Variants in TRPS1 observed in about 807,000 individuals in gnomAD.
The protein encoded by TRPS1 is transcriptional repressor GATA binding 1.
A neutral mutation model predicts 101.2 loss-of-function variants in TRPS1; 6 were observed. The observed-to-expected ratio is 0.06, with a 90% CI of 0.03 to 0.12. The LOEUF (loss-of-function observed/expected upper bound fraction) is 0.12. Among genes scored for constraint, TRPS1 ranks in the 10% least tolerant of loss-of-function variants. The probability of loss-of-function intolerance (pLI) is 1.00; values close to 1 mark genes in which losing one functional copy is unlikely to be tolerated. For synonymous variants in TRPS1, 578 were observed against 589.8 expected, an observed-to-expected ratio of 0.98 and a Z score of 0.29; for missense variants, 1,363 against 1,567.0, an observed-to-expected ratio of 0.87 and a Z score of 2.20.
At chr8:115,484,989 A>G (rs1454101012) in intron 5 of TRPS1, among the ~76,000 whole-genome samples, 2 of 152,162 alleles carry the variant, frequency 1.3e-5, no homozygotes, top group Non-Finnish European at 2.9e-5. Flanking sequence ...CTGTACATAC[A>G]CTTTCTCTCA....
At chr8:115,537,752 A>T (rs1224342341) in intron 5 of TRPS1, among the ~76,000 whole-genome samples, 1 of 152,220 alleles carries the variant, frequency 6.6e-6, no homozygotes, top group Non-Finnish European at 1.5e-5. Flanking sequence ...AAAAACAAAA[A>T]ATCCAGGCTT....
intron 5 of TRPS1, among the ~76,000 whole-genome samples, chr8:115,510,081 T>G (rs1467101014): frequency 6.6e-6 from 1 of 152,006 alleles, no homozygotes; most frequent in Non-Finnish European, 1.5e-5. Context: ...CCAATTCTAT[T>G]TCCTAAATGG....
At chr8:115,597,348 T>C (rs1360876514) in intron 4 of TRPS1, among the ~76,000 whole-genome samples, 2 of 152,010 alleles carry the variant, frequency 1.3e-5, no homozygotes, top group African/African-American at 4.8e-5. Flanking sequence ...TTCTTTTTGT[T>C]TGGTTATGAT....
intron 5 of TRPS1, among the ~76,000 whole-genome samples, chr8:115,526,316 G>A (rs1052959406): frequency 1.3e-5 from 2 of 152,018 alleles, no homozygotes; most frequent in Non-Finnish European, 2.9e-5. Flanking sequence ...TCAAAAAAAA[G>A]AAAGGAGATA....
chr8:115,653,328 A>G (rs1380849035), intron 1 of TRPS1, among the ~76,000 whole-genome samples: 1 of 152,138 alleles, frequency 6.6e-6, no homozygotes, highest in Admixed American at 6.5e-5. Flanking sequence ...TTTGCTATAT[A>G]GAGATAGTAG....
intron 5 of TRPS1, among the ~76,000 whole-genome samples, chr8:115,580,689 T>A (rs574482009): frequency 3.9e-5 from 6 of 152,306 alleles, no homozygotes; most frequent in African/African-American, 1.4e-4. Context: ...ATACATCTGC[T>A]TCACCTGCTT....
intron 5 of TRPS1, among the ~76,000 whole-genome samples, chr8:115,567,807 A>G (rs1380544588): frequency 6.6e-6 from 1 of 152,056 alleles, no homozygotes; most frequent in African/African-American, 2.4e-5. Context: ...ATGTTAATAT[A>G]ATTCCCTGTG....
chr8:115,531,854 G>A (rs932426788), intron 5 of TRPS1, among the ~76,000 whole-genome samples: 37 of 152,212 alleles, frequency 2.4e-4, no homozygotes, highest in South Asian at 2.3e-3. Context: ...GCATGAAGAC[G>A]TCTGATGGAG....
intron 1 of TRPS1, among the ~76,000 whole-genome samples, chr8:115,659,505 T>A (rs915033083): frequency 1.3e-5 from 2 of 151,834 alleles, no homozygotes; most frequent in Admixed American, 1.3e-4. Context: ...GAATTATGAA[T>A]CATACAACAA....
chr8:115,452,900 T>G (rs1378961916), intron 5 of TRPS1, among the ~76,000 whole-genome samples: 4 of 152,182 alleles, frequency 2.6e-5, no homozygotes, highest in Non-Finnish European at 5.9e-5. Context: ...GCTCTAGATA[T>G]ATCAATGTGG....
At chr8:115,656,191 A>G (rs1296209791) in intron 1 of TRPS1, among the ~76,000 whole-genome samples, 2 of 152,158 alleles carry the variant, frequency 1.3e-5, no homozygotes, top group Non-Finnish European at 2.9e-5. Context: ...AGTATTCAAG[A>G]TATATGTGCA....
chr8:115,414,433 T>C lies in TRPS1; in HGVS notation c.3475A>G (p.Thr1159Ala). The stretch of plus-strand genomic sequence containing the variant: ...GAAAAATGAGGAGGCAGATTGAAGG[T>C]GGGATAAGGCACATAGTTTTGGCAA... ...NPCQNYVPYP[T>A]FNLPPHFSAV... is the part of the protein sequence containing the mutation. The change falls in exon 7 of 7, where the codon ACC (threonine) becomes GCC (alanine). Residue 1159 changes from threonine (T) to alanine (A), a missense_variant. Physicochemically the swap from Thr to Ala is moderately conservative, Grantham distance 58. Transcript: ENST00000395715. This position sits in a 1 kb window ranked among gnomAD's most constrained non-coding sequence, Gnocchi z 4.8. 6.2e-7 allele frequency: 1 copy of C among 1,613,918 alleles called. No individual in the cohort carries two copies. The highest frequency in any genetic ancestry group is 8.5e-7 in the Non-Finnish European group (1 of 1,179,948).
chr8:115,480,638 G>T (rs990959716), intron 5 of TRPS1, among the ~76,000 whole-genome samples: 7 of 152,032 alleles, frequency 4.6e-5, no homozygotes, highest in Admixed American at 4.6e-4. Flanking sequence ...AAAAATGCAT[G>T]CATGCAAAGA....
At chr8:115,603,404 T>C (rs569987865) in intron 4 of TRPS1, among the ~76,000 whole-genome samples, 2 of 152,278 alleles carry the variant, frequency 1.3e-5, no homozygotes, top group South Asian at 2.1e-4. Context: ...GCCAGAAGAA[T>C]ATATAATCTC....
chr8:115,623,807 A>G, intron 1 of TRPS1, 49 bp from the exon 2 acceptor site: 3 of 1,402,820 alleles, frequency 2.1e-6, no homozygotes, highest in Non-Finnish European at 1.9e-6. Context: ...TGATGTAAAC[A>G]TATTTTCATG....
At chr8:115,596,082 G>A (rs1304544264) in intron 4 of TRPS1, among the ~76,000 whole-genome samples, 1 of 151,866 alleles carries the variant, frequency 6.6e-6, no homozygotes, top group Non-Finnish European at 1.5e-5. Context: ...ACTACCTACT[G>A]CAACCAATGT....
intron 5 of TRPS1, among the ~76,000 whole-genome samples, chr8:115,528,631 G>A (rs1394367456): frequency 6.6e-6 from 1 of 151,810 alleles, no homozygotes; most frequent in Non-Finnish European, 1.5e-5. Flanking sequence ...GAAATCCTAG[G>A]GTAATAAATG....
chr8:115,499,528 T>C (rs534615878), intron 5 of TRPS1, among the ~76,000 whole-genome samples: 2 of 152,146 alleles, frequency 1.3e-5, no homozygotes, highest in African/African-American at 4.8e-5. Flanking sequence ...CTAATAAAGA[T>C]TTTCAAATTG....
At chr8:115,527,266 G>A (rs1275361749) in intron 5 of TRPS1, among the ~76,000 whole-genome samples, 1 of 151,662 alleles carries the variant, frequency 6.6e-6, no homozygotes, top group Admixed American at 6.6e-5. Context: ...AATCTCCCAA[G>A]AAAATATGTG....
Sources: gnomAD v4.1 joint callset for allele counts (sites outside exome capture counted in the v4.1 genomes callset) on GRCh38, gnomAD v4.1.1 for gene constraint, Gnocchi (gnomAD v3.1) non-coding constraint, MANE v1.5 for transcripts, NCBI Gene and HGNC (gene_info 2026-07-23, HGNC 2026-07-21) for gene names.